The following SPHKAP variants were observed in gnomAD, a reference collection of about 807,000 sequenced individuals.
SPHKAP encodes the protein SPHK1 interactor, AKAP domain containing.
Under a neutral mutation model 137.5 loss-of-function variants are expected in SPHKAP, and 67 were observed. The observed-to-expected ratio is 0.49, with a 90% CI of 0.40 to 0.60. The LOEUF is 0.60. Ranked by LOEUF, SPHKAP falls within the 20% of genes least tolerant of loss-of-function variation. The pLI, the probability that SPHKAP is intolerant of heterozygous loss-of-function variation, is 0.00. For missense variants in SPHKAP, 2,097 were observed against 2,069.3 expected, an observed-to-expected ratio of 1.01 and a Z score of -0.26; for synonymous variants, 813 against 785.3, an observed-to-expected ratio of 1.04 and a Z score of -0.59.
chr2:228,135,542 C>T (rs1699412650), intron 1 of SPHKAP, among the ~76,000 whole-genome samples: 1 of 152,138 alleles, frequency 6.6e-6, no homozygotes, highest in Non-Finnish European at 1.5e-5. Flanking sequence ...GAAGTAATGG[C>T]AAGTCTACCT....
In SPHKAP at chr2:228,019,415, G is replaced by A. The variant is rs1694747772; in HGVS notation, c.1439C>T (p.Ser480Leu). Residue 480 changes from serine (S) to leucine (L), a missense_variant, in exon 7 of 12, where the codon TCA becomes TTA. Ser to Leu is a moderately radical substitution (Grantham distance 145). Coordinates refer to ENST00000392056, the MANE Select transcript of SPHKAP (RefSeq NM_001142644.2). ...GGAGTTCTCTCCAGAGAGGATGCTT[G>A]AGGTTTCAACAGAGACTTCCATCTC... ...WPEMEVSVET[S>L]SILSGENSSR... is the part of the protein sequence containing the mutation. 6.2e-7 allele frequency: 1 copy of A among 1,614,062 alleles called. No homozygotes were observed. The highest frequency in any genetic ancestry group is 1.3e-5 in the African/African-American group (1 of 74,940).
Position 228,018,467 on chromosome 2 carries a change from T to C in SPHKAP, c.2387A>G (p.Asp796Gly). The C allele has an allele frequency of 6.2e-7, 1 of 1,614,170 alleles. No homozygotes were observed. The change falls in exon 7 of 12, where the codon GAC becomes GGC. Residue 796 changes from aspartate (D) to glycine (G), a missense_variant. By Grantham distance (94) the Asp-to-Gly change is moderately conservative. Transcript: ENST00000392056. ...GAGGCCTGGCCTCACTCCACCCTTG[T>C]CTTGTTTTGAATACATGCCATCCAC... ...NLVDGMYSKQ[D>G]KGGVRPGLFK...
intron 3 of SPHKAP, among the ~76,000 whole-genome samples, chr2:228,060,781 G>A (rs1255652051): frequency 6.6e-6 from 1 of 152,192 alleles, no homozygotes; most frequent in African/African-American, 2.4e-5. Context: ...ACATGGAGAG[G>A]CAGAGCTTGG....
At position 228,019,896 on chromosome 2, in the gene SPHKAP, T is replaced by G. The variant is rs1318468495; in HGVS notation, c.958A>C (p.Thr320Pro). The G allele has an allele frequency of 7.4e-6, 12 of 1,614,254 alleles. No homozygotes were observed. The highest frequency in any genetic ancestry group is 1.1e-5 in the South Asian group (1 of 91,086). ...REAVGNGRQA[T>P]HYYHSEAFKG... is the part of the protein sequence containing the mutation. ...AAAGCTTCTGAATGATAATAATGTG[T>G]GGCTTGTCTCCCATTCCCCACAGCT... The change falls in exon 7 of 12, where the codon ACA (threonine) becomes CCA (proline). Residue 320 changes from threonine (T) to proline (P), a missense_variant. Transcript: ENST00000392056.
chr2:228,005,301 T>C (rs959704553), intron 7 of SPHKAP, among the ~76,000 whole-genome samples: 3 of 152,222 alleles, frequency 2.0e-5, no homozygotes, highest in African/African-American at 7.2e-5. Context: ...CCCTTTACCA[T>C]TATGTAATGG....
At chr2:228,153,561 G>A (rs1700002843) in intron 1 of SPHKAP, among the ~76,000 whole-genome samples, 2 of 152,060 alleles carry the variant, frequency 1.3e-5, no homozygotes. Flanking sequence ...TTCCATTGTT[G>A]CTTTTGTGAA....
At chr2:228,068,581 A>C (rs115863879) in intron 3 of SPHKAP, among the ~76,000 whole-genome samples, 2 of 152,210 alleles carry the variant, frequency 1.3e-5, no homozygotes, top group East Asian at 3.9e-4. Flanking sequence ...TGCCAAGAAC[A>C]TACACTGGGG....
At chr2:228,150,638 T>A (rs1275431546) in intron 1 of SPHKAP, among the ~76,000 whole-genome samples, 1 of 152,094 alleles carries the variant, frequency 6.6e-6, no homozygotes, top group Non-Finnish European at 1.5e-5. Context: ...TTTTTCATTT[T>A]TATCATTGTT....
chr2:228,027,460 G>T, intron 4 of SPHKAP, 24 bp downstream of exon 4: 2 of 1,612,706 alleles, frequency 1.2e-6, no homozygotes, highest in South Asian at 1.1e-5. Flanking sequence ...TGACCTCCCG[G>T]TCAGCTTGAG....
intron 2 of SPHKAP, chr2:228,109,262 A>G (rs1162544781): frequency 2.6e-5 from 15 of 577,626 alleles, no homozygotes; most frequent in Non-Finnish European, 3.3e-5. Context: ...TATGTGGGCA[A>G]TGGGGATCAA....
intron 1 of SPHKAP, among the ~76,000 whole-genome samples, chr2:228,172,783 G>A (rs1700622910): frequency 6.6e-6 from 1 of 152,146 alleles, no homozygotes; most frequent in East Asian, 1.9e-4. Flanking sequence ...TGTTGGAACA[G>A]CCACAACCTG....
At chr2:228,152,925 G>T (rs13422410) in intron 1 of SPHKAP, among the ~76,000 whole-genome samples, 2 of 152,086 alleles carry the variant, frequency 1.3e-5, no homozygotes, top group South Asian at 2.1e-4. Context: ...TGGCAGGGGG[G>T]ACCCAGTGGA....
At chr2:228,022,028 G>A in intron 5 of SPHKAP, 62 bp from the exon 6 acceptor site, 2 of 1,489,310 alleles carry the variant, frequency 1.3e-6, no homozygotes, top group South Asian at 2.9e-5. Context: ...TATTGCCTCT[G>A]AGCTTTCCTT....
intron 2 of SPHKAP, chr2:228,109,206 A>G (rs1698439472): frequency 2.2e-5 from 5 of 227,410 alleles, no homozygotes; most frequent in Non-Finnish European, 3.7e-5. Context: ...TCAATTGTGT[A>G]GCTTTTGCAT....
At chr2:228,141,849 G>A (rs1187859493) in intron 1 of SPHKAP, among the ~76,000 whole-genome samples, 1 of 152,102 alleles carries the variant, frequency 6.6e-6, no homozygotes, top group African/African-American at 2.4e-5. Context: ...TAGTGGTATT[G>A]CTAAAATGTT....
rs187683155 is a variant in SPHKAP, at chr2:227,988,426, C to T, written c.4959+2574G>A. Among the ~76,000 whole-genome samples the T allele has an allele frequency of 2.1e-4, 32 of 152,278 alleles. No homozygotes were observed. In the East Asian group the frequency reaches 6.0e-3, roughly 28 times the overall value. On this transcript the variant is annotated intron_variant, in intron 11 of 11. Transcript: ENST00000392056. Reference sequence around the variant, plus strand: ...TCAGAAAAATAGTTGTATCCAAAAACAAGCATTCTCTTTGAGAATCGAAAA... The same window carrying T: ...TCAGAAAAATAGTTGTATCCAAAAATAAGCATTCTCTTTGAGAATCGAAAA...
At chr2:228,042,271 C>T (rs10183972) in intron 3 of SPHKAP, among the ~76,000 whole-genome samples, 7 of 151,904 alleles carry the variant, frequency 4.6e-5, no homozygotes, top group African/African-American at 7.3e-5. Flanking sequence ...TATGTTCCTG[C>T]GCTCTGAACC....
intron 3 of SPHKAP, among the ~76,000 whole-genome samples, chr2:228,077,754 C>T (rs1386561645): frequency 6.6e-6 from 1 of 152,070 alleles, no homozygotes; most frequent in African/African-American, 2.4e-5. Flanking sequence ...TTTTGGGGGA[C>T]TGTTGGGAAG....
intron 1 of SPHKAP, among the ~76,000 whole-genome samples, chr2:228,140,588 A>G (rs759204699): frequency 6.6e-6 from 1 of 152,158 alleles, no homozygotes; most frequent in Non-Finnish European, 1.5e-5. Flanking sequence ...TGATGAGGGT[A>G]ACACGTAATC....
Sources: gnomAD v4.1 joint callset for allele counts (sites outside exome capture counted in the v4.1 genomes callset) on GRCh38, gnomAD v4.1.1 for gene constraint, MANE v1.5 for transcripts, NCBI Gene and HGNC (gene_info 2026-07-23, HGNC 2026-07-21) for gene names.